Variants in CTIF observed in about 807,000 individuals in gnomAD.
CTIF encodes cap binding complex dependent translation initiation factor.
A neutral mutation model predicts 66.0 loss-of-function variants in CTIF; 21 were observed. The ratio of observed to expected loss-of-function variants is 0.32; its 90% confidence interval spans 0.23 to 0.46. The LOEUF is 0.46. CTIF is among the 20% of genes least tolerant of loss of function. CTIF has a pLI of 1.00. For missense variants in CTIF, 739 were observed against 812.7 expected (o/e 0.91, Z 1.10); for synonymous variants, 345 against 326.4 (o/e 1.06, Z -0.62).
At chr18:48,736,025 T>C (rs569776789) in intron 7 of CTIF, among the ~76,000 whole-genome samples, 2 of 152,242 alleles carry the variant, frequency 1.3e-5, no homozygotes, top group Admixed American at 1.3e-4. Flanking sequence ...CACGAAGCAT[T>C]TTCCCTGGCT....
Position 48,770,331 on chromosome 18 carries a change from C to T in CTIF, c.1371+8642C>T, listed in dbSNP as rs139586350. On this transcript the variant is annotated intron_variant, in intron 9 of 11. Coordinates refer to ENST00000256413, the MANE Select transcript of CTIF (RefSeq NM_014772.3). ...TTGCCACTGCGCCACTGTGCCACTGCGCCACTGCGCCACTACTGTGTTCTT... is the reference window on the plus strand; with the variant it reads ...TTGCCACTGCGCCACTGTGCCACTGTGCCACTGCGCCACTACTGTGTTCTT... 2.6e-4 allele frequency among the ~76,000 whole-genome samples: 39 copies of T among 152,026 alleles called. No individual in the cohort carries two copies. The East Asian group carries it at 6.0e-3, about 23-fold the overall frequency.
At chr18:48,801,821 T>C (rs1410845145) in intron 9 of CTIF, among the ~76,000 whole-genome samples, 1 of 152,188 alleles carries the variant, frequency 6.6e-6, no homozygotes, top group Non-Finnish European at 1.5e-5. Context: ...CCAACCTTCT[T>C]AGTAGAACCT....
chr18:48,740,634 A>G (rs1208361725), intron 7 of CTIF, among the ~76,000 whole-genome samples: 1 of 152,186 alleles, frequency 6.6e-6, no homozygotes, highest in Non-Finnish European at 1.5e-5. Flanking sequence ...TCCATCACTC[A>G]GGATGTCCTG....
At chr18:48,611,664 G>A (rs777017384) in intron 1 of CTIF, among the ~76,000 whole-genome samples, 2 of 152,240 alleles carry the variant, frequency 1.3e-5, no homozygotes, top group Middle Eastern at 3.2e-3. Context: ...AATCTGCATT[G>A]TAACAAGATG....
intron 7 of CTIF, among the ~76,000 whole-genome samples, chr18:48,739,310 C>T (rs765319556): frequency 1.1e-4 from 17 of 152,190 alleles, no homozygotes; most frequent in Non-Finnish European, 1.6e-4. Context: ...AAGGACAGAC[C>T]TAACCCCCAA....
At chr18:48,709,100 G>T (rs1377026150) in intron 6 of CTIF, among the ~76,000 whole-genome samples, 2 of 152,182 alleles carry the variant, frequency 1.3e-5, no homozygotes, top group Non-Finnish European at 2.9e-5. Flanking sequence ...AAGGATTCTA[G>T]CAGCCAGATG....
At chr18:48,732,803 T>C (rs1457615436) in intron 7 of CTIF, among the ~76,000 whole-genome samples, 4 of 152,134 alleles carry the variant, frequency 2.6e-5, no homozygotes, top group Non-Finnish European at 4.4e-5. Context: ...GACAGAGCTG[T>C]CCAGATCCCA....
chr18:48,628,997 G>A (rs1213733456), intron 2 of CTIF, among the ~76,000 whole-genome samples: 1 of 152,216 alleles, frequency 6.6e-6, no homozygotes, highest in Admixed American at 6.5e-5. Context: ...GCACACTCCT[G>A]TCTTTGAGAA....
chr18:48,577,724 C>G (rs1002929682), intron 1 of CTIF, among the ~76,000 whole-genome samples: 1 of 152,144 alleles, frequency 6.6e-6, no homozygotes, highest in African/African-American at 2.4e-5. Flanking sequence ...AGGTACACAC[C>G]ACCATGCCTG....
intron 1 of CTIF, among the ~76,000 whole-genome samples, chr18:48,577,104 A>C (rs1217203206): frequency 6.6e-6 from 1 of 152,200 alleles, no homozygotes; most frequent in Non-Finnish European, 1.5e-5. Flanking sequence ...TGGAGACGTG[A>C]GGAGAAAATC....
intron 3 of CTIF, among the ~76,000 whole-genome samples, chr18:48,653,746 CA>C (rs2091198635): frequency 6.6e-6 from 1 of 152,190 alleles, no homozygotes. Context: ...CTACAGTAAC[CA>C]AAACAGCATT....
At chr18:48,849,716 G>A (rs1171263036) in intron 10 of CTIF, among the ~76,000 whole-genome samples, 1 of 151,170 alleles carries the variant, frequency 6.6e-6, no homozygotes, top group Non-Finnish European at 1.5e-5. Flanking sequence ...CTCCCGAGTA[G>A]CTGGGACTAC....
intron 9 of CTIF, among the ~76,000 whole-genome samples, chr18:48,780,713 C>CGGT (rs1225957829): frequency 2.0e-5 from 3 of 152,240 alleles, no homozygotes; most frequent in African/African-American, 7.2e-5. Flanking sequence ...TCCCTCCTGC[C>CGGT]GGTCCGCACA....
chr18:48,753,910 C>T (rs915478459), intron 7 of CTIF, among the ~76,000 whole-genome samples: 28 of 152,232 alleles, frequency 1.8e-4, no homozygotes, highest in African/African-American at 6.3e-4. Flanking sequence ...TCGTGGGGAG[C>T]AGCCAGCTGG....
At chr18:48,565,042 G>A (rs1342880304) in intron 1 of CTIF, 2 of 152,150 alleles carry the variant, frequency 1.3e-5, no homozygotes, top group African/African-American at 4.8e-5. Flanking sequence ...TGCATATTAA[G>A]TCAATTTCCT....
At chr18:48,706,676 A>T (rs760595452) in intron 6 of CTIF, among the ~76,000 whole-genome samples, 22 of 152,138 alleles carry the variant, frequency 1.4e-4, no homozygotes, top group Admixed American at 1.4e-3. Flanking sequence ...CCTGCCCTGG[A>T]GTGGGCTGAT....
intron 6 of CTIF, among the ~76,000 whole-genome samples, chr18:48,698,661 C>G (rs1430089623): frequency 6.6e-6 from 1 of 152,222 alleles, no homozygotes; most frequent in Non-Finnish European, 1.5e-5. Flanking sequence ...TTCTCTCAGC[C>G]TTGAATCTTT....
At chr18:48,791,357 C>T (rs1599049429) in intron 9 of CTIF, among the ~76,000 whole-genome samples, 1 of 152,330 alleles carries the variant, frequency 6.6e-6, no homozygotes, top group Admixed American at 6.5e-5. Flanking sequence ...CATGGTTTCA[C>T]TTCATTTTCT....
At chr18:48,842,446 C>T (rs1332752063) in intron 10 of CTIF, among the ~76,000 whole-genome samples, 1 of 152,176 alleles carries the variant, frequency 6.6e-6, no homozygotes, top group Non-Finnish European at 1.5e-5. Context: ...GATGGGTCAA[C>T]GGAATCCTTG....
Sources: gnomAD v4.1 joint callset for allele counts (sites outside exome capture counted in the v4.1 genomes callset) on GRCh38, gnomAD v4.1.1 for gene constraint, MANE v1.5 for transcripts, NCBI Gene and HGNC (gene_info 2026-07-23, HGNC 2026-07-21) for gene names.